The following GRIA3 variants were observed in gnomAD, a reference collection of about 807,000 sequenced individuals.
GRIA3 encodes the protein glutamate receptor 3.
In GRIA3, 3 loss-of-function variants were observed where a neutral mutation model predicts 63.0. The observed-to-expected ratio is 0.05, with a 90% CI of 0.02 to 0.12. The LOEUF is 0.12. GRIA3 is among the 10% of genes least tolerant of loss of function. The pLI is 1.00. For synonymous variants in GRIA3, 274 were observed against 257.9 expected (o/e 1.06, Z -0.60); for missense variants, 347 against 700.9 (o/e 0.50, Z 5.70).
At chrX:123,187,303 G>A (rs1927306023) in intron 2 of GRIA3, among the ~76,000 whole-genome samples, 1 of 112,215 alleles carries the variant, frequency 8.9e-6, no homozygotes, top group African/African-American at 3.2e-5. Context: ...AAATATGACA[G>A]TTGTCAGCTT....
At chrX:123,245,752 G>A (rs1394466535) in intron 2 of GRIA3, among the ~76,000 whole-genome samples, 2 of 112,030 alleles carry the variant, frequency 1.8e-5, no homozygotes, top group Non-Finnish European at 3.8e-5. Flanking sequence ...TTCAGTAGAG[G>A]AGTTGGAACA....
intron 2 of GRIA3, among the ~76,000 whole-genome samples, chrX:123,218,748 C>T (rs1330722089): frequency 9.0e-6 from 1 of 111,519 alleles, no homozygotes; most frequent in African/African-American, 3.3e-5. Flanking sequence ...CTTCATAGCT[C>T]TGTCTCTCTA....
At chrX:123,242,662 C>T (rs1046389970) in intron 2 of GRIA3, among the ~76,000 whole-genome samples, 1 of 112,294 alleles carries the variant, frequency 8.9e-6, no homozygotes, top group Admixed American at 9.4e-5. Flanking sequence ...ACTACTTACT[C>T]GTTGATACTC....
chrX:123,322,359 T>G (rs991901567), intron 3 of GRIA3, among the ~76,000 whole-genome samples: 16 of 112,236 alleles, frequency 1.4e-4, no homozygotes, highest in African/African-American at 4.9e-4. Flanking sequence ...CAGTCTGGAA[T>G]CAGAATGAGA....
intron 4 of GRIA3, among the ~76,000 whole-genome samples, chrX:123,340,331 A>G (rs933876009): frequency 3.5e-5 from 4 of 112,736 alleles, no homozygotes; most frequent in African/African-American, 1.3e-4. Context: ...CTCATTATCC[A>G]CAAACATTAA....
chrX:123,235,753 T>C (rs2044298194), intron 2 of GRIA3, among the ~76,000 whole-genome samples: 1 of 110,847 alleles, frequency 9.0e-6, no homozygotes. Flanking sequence ...CACACAAGAA[T>C]TTTGACTTGG....
At chrX:123,463,827 G>T (rs776051744) in intron 12 of GRIA3, among the ~76,000 whole-genome samples, 2 of 107,145 alleles carry the variant, frequency 1.9e-5, no homozygotes, top group East Asian at 5.9e-4. Flanking sequence ...AAAAGAAAGA[G>T]AAAGAAAGAA....
At chrX:123,353,911 T>G (rs2045115453) in intron 4 of GRIA3, among the ~76,000 whole-genome samples, 2 of 111,268 alleles carry the variant, frequency 1.8e-5, no homozygotes, top group African/African-American at 6.5e-5. Context: ...TGAATTTGGC[T>G]TCAAGGAAAT....
chrX:123,403,305 T>A (rs1489994234), intron 8 of GRIA3, 107 bp from the exon 9 acceptor site: 1 of 648,518 alleles, frequency 1.5e-6, no homozygotes, highest in Non-Finnish European at 2.6e-6. Flanking sequence ...AGGATGTCAA[T>A]CCTTATAGAG....
At chrX:123,260,473 AAG>A in intron 3 of GRIA3, among the ~76,000 whole-genome samples, 2 of 8,023 alleles carry the variant, frequency 2.5e-4, no homozygotes, top group African/African-American at 3.3e-4. Context: ...AGGAAGAAGA[AAG>A]GAAAGAAAGA....
chrX:123,242,908 A>T (rs188591155), intron 2 of GRIA3, among the ~76,000 whole-genome samples: 2 of 112,578 alleles, frequency 1.8e-5, no homozygotes, highest in African/African-American at 6.4e-5. Flanking sequence ...TATAAATAAC[A>T]TATATCACTT....
At chrX:123,400,630 A>T (rs2147382276) in intron 7 of GRIA3, among the ~76,000 whole-genome samples, 1 of 112,254 alleles carries the variant, frequency 8.9e-6, no homozygotes, top group East Asian at 2.8e-4. Context: ...TCTGGCAAAC[A>T]AAATCATTGC....
chrX:123,452,847 T>C (rs2045740336), intron 12 of GRIA3, among the ~76,000 whole-genome samples: 1 of 111,453 alleles, frequency 9.0e-6, no homozygotes, highest in South Asian at 3.8e-4. Flanking sequence ...GAGGCTTTGC[T>C]CTAGTTAGTA....
At chrX:123,236,145 G>A (rs762790163) in intron 2 of GRIA3, among the ~76,000 whole-genome samples, 2 of 111,755 alleles carry the variant, frequency 1.8e-5, no homozygotes, top group African/African-American at 6.5e-5. Context: ...TCTGCACTTC[G>A]TTTACCCTCA....
intron 3 of GRIA3, among the ~76,000 whole-genome samples, chrX:123,287,935 CA>C (rs1198691845): frequency 9.0e-6 from 1 of 111,138 alleles, no homozygotes; most frequent in Non-Finnish European, 1.9e-5. Flanking sequence ...CATAAGGGAC[CA>C]AAAAAGAGCC....
At chrX:123,253,672 A>G (rs906588004) in intron 3 of GRIA3, 130 bp downstream of exon 3, 10 of 577,587 alleles carry the variant, frequency 1.7e-5, no homozygotes, top group Non-Finnish European at 2.7e-5. Flanking sequence ...AATATTCCAA[A>G]TAAATCAAAG....
chrX:123,277,221 G>A (rs73551759), intron 3 of GRIA3, among the ~76,000 whole-genome samples: 1,350 of 110,714 alleles, frequency 0.012, 25 homozygotes, highest in African/African-American at 0.041. Context: ...CATGGAGAAT[G>A]GGGCATCCAT....
At chrX:123,303,181 TTC>T (rs1369754190) in intron 3 of GRIA3, among the ~76,000 whole-genome samples, 1 of 111,170 alleles carries the variant, frequency 9.0e-6, no homozygotes, top group African/African-American at 3.3e-5. Context: ...GAAAGCAGAA[TTC>T]TCAGTAGTGG....
rs1288701631 is a variant in GRIA3, at chrX:123,290,621, TGTGTGTG to T, written c.509-35404_509-35398del. 3.2e-5 allele frequency among the ~76,000 whole-genome samples: 3 copies of T among 92,980 alleles called. No individual in the cohort carries two copies. In the Admixed American group the frequency reaches 3.5e-4, roughly 11 times the overall value. 80.7% of individuals were successfully genotyped at this position (92,980 alleles called of 115,157 possible). Reference sequence around the variant, plus strand: ...GTGTGTGTGTGTGTGTGTGTGTGTGTGTGTGTGTAAGGGTATATGTATAAAAAAATTA... The same window carrying T: ...GTGTGTGTGTGTGTGTGTGTGTGTGTTAAGGGTATATGTATAAAAAAATTA... On this transcript the variant is annotated intron_variant, in intron 3 of 15. Transcript: ENST00000620443.
Sources: gnomAD v4.1 joint callset for allele counts (sites outside exome capture counted in the v4.1 genomes callset) on GRCh38, gnomAD v4.1.1 for gene constraint, MANE v1.5 for transcripts, NCBI Gene and HGNC (gene_info 2026-07-23, HGNC 2026-07-21) for gene names.